S100A7A: variants seen among roughly 807,000 people sequenced by gnomAD.
The protein encoded by S100A7A is S100 calcium binding protein A7A.
A neutral mutation model predicts 4.0 loss-of-function variants in S100A7A; 5 were observed. That is an observed-to-expected ratio of 1.26 (90% confidence interval 0.66 to 2.66). The LOEUF is 2.66. Ranked by LOEUF, S100A7A falls within the 30% of genes most tolerant of loss-of-function variation. The pLI is 0.01. For synonymous variants in S100A7A, 52 were observed against 46.4 expected (o/e 1.12, Z -0.49); for missense variants, 159 against 125.1 (o/e 1.27, Z -1.29).
rs1571186425 is a variant in S100A7A at position 153,420,047 on chromosome 1, C to T, written c.*738C>T. ...GGTTTCTGGTGATGAATGAATATTC[C>T]AGATTTTGAGGAGCTCTAAGTGGTC... On this transcript the variant is annotated 3_prime_UTR_variant, in exon 3 of 3. Coordinates refer to ENST00000368729, the MANE Select transcript of S100A7A (RefSeq NM_176823.4). The T allele has an allele frequency of 1.3e-5, 2 of 152,284 alleles. No homozygotes were observed. Among genetic ancestry groups the T allele is most frequent in the East Asian group, 1.9e-4 (1 of 5,198 alleles). The allele number at this position is 152,284 out of a possible 1,614,324, so 9.4% of individuals were successfully genotyped here. A position where few individuals can be genotyped will look rare whatever the true frequency, so the allele number is the denominator to read the frequency against.
Position 153,416,738 on chromosome 1 carries a change from C to T in S100A7A, c.-18+175C>T, listed in dbSNP as rs377370611. Among the ~76,000 whole-genome samples the T allele has an allele frequency of 4.0e-3, 606 of 152,358 alleles. 4 individuals are homozygous for T. The highest frequency in any genetic ancestry group is 0.013 in the African/African-American group (552 of 41,582). ...TTGACCCCAAAAGCCCACGTCTGTA[C>T]AACCAGGTGGCTGAACCAGACCTGT... On this transcript the variant is annotated intron_variant, in intron 1 of 2. Transcript: ENST00000368729.
At position 153,418,311 on chromosome 1, in the gene S100A7A, T is replaced by C; in HGVS notation, c.141+88T>C. On this transcript the variant is annotated intron_variant, in intron 2 of 2. Coordinates refer to ENST00000368729, the MANE Select transcript of S100A7A (RefSeq NM_176823.4). ...CTATGTGGCCTTGGACAGGTCACCC[T>C]CATCCTCTGATTAAAAAGTTTCCCA... 2.0e-6 allele frequency: 3 copies of C among 1,530,604 alleles called. No individual in the cohort carries two copies. In the Admixed American group the frequency reaches 5.8e-5, roughly 30 times the overall value. The allele number at this position is 1,530,604 out of a possible 1,614,324, so 94.8% of individuals were successfully genotyped here.
chr1:153,421,902 G>A lies in S100A7A; in HGVS notation c.*2593G>A, dbSNP rs1571187780. On this transcript the variant is annotated 3_prime_UTR_variant, in exon 3 of 3. Transcript: ENST00000368729. ...AATACTTCTTCATCTTCTTGTCTAG[G>A]TTTTAGAAATCACCTTCTCAAGGGA... 2.0e-5 allele frequency: 3 copies of A among 152,338 alleles called. No individual in the cohort carries two copies. The South Asian group carries it at 6.2e-4, about 32-fold the overall frequency. 9.4% of individuals were successfully genotyped at this position (152,338 alleles called of 1,614,324 possible).
At chr1:153,418,339 T>G in intron 2 of S100A7A, 116 bp downstream of exon 2, 4 of 1,374,016 alleles carry the variant, frequency 2.9e-6, no homozygotes, top group Non-Finnish European at 3.0e-6. Flanking sequence ...GTTTCCCATT[T>G]GCAAATAGGG....
chr1:153,419,086 C>T, intron 2 of S100A7A, 59 bp from the exon 3 acceptor site: 3 of 1,581,544 alleles, frequency 1.9e-6, no homozygotes, highest in Non-Finnish European at 2.6e-6. Flanking sequence ...CTCTCCCCTC[C>T]CAGCCCAAAA....
chr1:153,419,402 C>T lies in S100A7A; in HGVS notation c.*93C>T. ...CCTTATTTCTTCTTCTCTTTGGTGACCTACATTGTCAAAACTACCAATTCC... is the reference window on the plus strand; with the variant it reads ...CCTTATTTCTTCTTCTCTTTGGTGATCTACATTGTCAAAACTACCAATTCC... On this transcript the variant is annotated 3_prime_UTR_variant, in exon 3 of 3. Transcript: ENST00000368729. The T allele has an allele frequency of 7.2e-7, 1 of 1,381,678 alleles. No homozygotes were observed. The allele number at this position is 1,381,678 out of a possible 1,614,324, so 85.6% of individuals were successfully genotyped here.
rs759796829 is a variant in S100A7A, at chr1:153,421,533, T to A, written c.*2224T>A. On this transcript the variant is annotated 3_prime_UTR_variant, in exon 3 of 3. Transcript: ENST00000368729. ...AAATTCTAGTCAATACTACTTTATG[T>A]AAACAGCAGTGTAAAATCCAAAAAC... 1.3e-5 allele frequency: 2 copies of A among 152,248 alleles called. No individual in the cohort carries two copies. The highest frequency in any genetic ancestry group is 4.8e-5 in the African/African-American group (2 of 41,464). The allele number at this position is 152,248 out of a possible 1,614,324, so 9.4% of individuals were successfully genotyped here.
chr1:153,418,213 T>G lies in S100A7A; in HGVS notation c.131T>G (p.Leu44Arg). Reference protein sequence around the residue: ...TMMKENFPNFLSACDKKGIHY... With the variant: ...TMMKENFPNFRSACDKKGIHY... ...ATGAAGGAGAACTTCCCCAATTTCCTCAGTGCCTGTGTGAGTTGGGGTCTA... is the reference window on the plus strand; with the variant it reads ...ATGAAGGAGAACTTCCCCAATTTCCGCAGTGCCTGTGTGAGTTGGGGTCTA... The change falls in exon 2 of 3, where the codon CTC (leucine) becomes CGC (arginine). Residue 44 changes from leucine (L) to arginine (R), a missense_variant. Physicochemically the swap from Leu to Arg is moderately radical, Grantham distance 102. Transcript: ENST00000368729. 6.2e-7 allele frequency: 1 copy of G among 1,613,978 alleles called. No homozygotes were observed. Among genetic ancestry groups the G allele is most frequent in the South Asian group, 1.1e-5 (1 of 91,074 alleles).
rs187120878 is a variant in S100A7A at position 153,421,660 on chromosome 1, A to C, written c.*2351A>C. ...GAAAGGATAAGGCAAATGACTGAACAGTTCCCTCAGGACTCACGTACTGAT... is the reference window on the plus strand; with the variant it reads ...GAAAGGATAAGGCAAATGACTGAACCGTTCCCTCAGGACTCACGTACTGAT... On this transcript the variant is annotated 3_prime_UTR_variant, in exon 3 of 3. Coordinates refer to ENST00000368729, the MANE Select transcript of S100A7A (RefSeq NM_176823.4). 1 of 152,222 alleles carries C rather than the reference A, an allele frequency of 6.6e-6. No individual in the cohort carries two copies. The allele number at this position is 152,222 out of a possible 1,614,324, so 9.4% of individuals were successfully genotyped here.
intron 2 of S100A7A, 83 bp from the exon 3 acceptor site, chr1:153,419,062 A>G: frequency 1.4e-6 from 2 of 1,450,688 alleles, no homozygotes; most frequent in Non-Finnish European, 1.9e-6. Context: ...ACTTGTCTGT[A>G]TCTCTGCCTC....
At chr1:153,418,994 A>T (rs1472341824) in intron 2 of S100A7A, 151 bp from the exon 3 acceptor site, 1 of 792,218 alleles carries the variant, frequency 1.3e-6, no homozygotes, top group African/African-American at 1.8e-5. Context: ...CCTCACCCCA[A>T]CTTCACCCAC....
At position 153,418,076 on chromosome 1, in the gene S100A7A, A is replaced by G. The variant is rs1313014186; in HGVS notation, c.-7A>G. 2 of 1,613,476 alleles carry G rather than the reference A, an allele frequency of 1.2e-6. No individual in the cohort carries two copies. The highest frequency in any genetic ancestry group is 1.7e-6 in the Non-Finnish European group (2 of 1,179,670). On this transcript the variant is annotated 5_prime_UTR_variant, in exon 2 of 3. Transcript: ENST00000368729. ...CTTTATTTCCTGAAGGCTTTTTGAA[A>G]GCAAAGATGAGCAACACTCAAGCTG...
intron 1 of S100A7A, 128 bp from the exon 2 acceptor site, chr1:153,417,938 A>AG (rs886832515): frequency 7.2e-6 from 9 of 1,251,624 alleles, no homozygotes; most frequent in African/African-American, 1.5e-5. Flanking sequence ...TCACATTTAA[A>AG]AAAATCAAGT....
chr1:153,421,107 C>A lies in S100A7A; in HGVS notation c.*1798C>A, dbSNP rs543735966. 1 of 152,176 alleles carries A rather than the reference C, an allele frequency of 6.6e-6. No individual in the cohort carries two copies. The highest frequency in any genetic ancestry group is 1.5e-5 in the Non-Finnish European group (1 of 68,068). The allele number at this position is 152,176 out of a possible 1,614,324, so 9.4% of individuals were successfully genotyped here. On this transcript the variant is annotated 3_prime_UTR_variant, in exon 3 of 3. Transcript: ENST00000368729. ...GTTATTCCCCGAATGCGCAACATACCCCCCATCAATATATCTCAGTATTTC... is the reference window on the plus strand; with the variant it reads ...GTTATTCCCCGAATGCGCAACATACACCCCATCAATATATCTCAGTATTTC...
In S100A7A at chr1:153,418,066, G is replaced by T; in HGVS notation, c.-17G>T. On this transcript the variant is annotated splice_region_variant and 5_prime_UTR_variant, in exon 2 of 3. Coordinates refer to ENST00000368729, the MANE Select transcript of S100A7A (RefSeq NM_176823.4). ...AAATGATTGTCTTTATTTCCTGAAGGCTTTTTGAAAGCAAAGATGAGCAAC... is the reference window on the plus strand; with the variant it reads ...AAATGATTGTCTTTATTTCCTGAAGTCTTTTTGAAAGCAAAGATGAGCAAC... The T allele has an allele frequency of 6.2e-7, 1 of 1,613,170 alleles. No homozygotes were observed. Among genetic ancestry groups the T allele is most frequent in the East Asian group, 2.2e-5 (1 of 44,818 alleles).
intron 2 of S100A7A, 56 bp downstream of exon 2, chr1:153,418,279 C>T (rs2101626480): frequency 6.2e-7 from 1 of 1,608,214 alleles, no homozygotes; most frequent in South Asian, 1.1e-5. Flanking sequence ...GCTGAGGATA[C>T]ATTTTGCTAT....
In S100A7A at chr1:153,418,067, C is replaced by T; in HGVS notation, c.-16C>T. 1.2e-6 allele frequency: 2 copies of T among 1,613,366 alleles called. No individual in the cohort carries two copies. The highest frequency in any genetic ancestry group is 2.2e-5 in the South Asian group (2 of 91,048). ...AATGATTGTCTTTATTTCCTGAAGG[C>T]TTTTTGAAAGCAAAGATGAGCAACA... On this transcript the variant is annotated splice_region_variant and 5_prime_UTR_variant, in exon 2 of 3. Transcript: ENST00000368729.
Position 153,420,556 on chromosome 1 carries a change from G to A in S100A7A, c.*1247G>A, listed in dbSNP as rs1662874057. ...TGTAAGATGGGCTATTTGTTCTTTG[G>A]AATGACTGCTCCACTCCACACTCAC... is the stretch of plus-strand genomic sequence containing the variant. On this transcript the variant is annotated 3_prime_UTR_variant, in exon 3 of 3. Transcript: ENST00000368729. The A allele has an allele frequency of 6.6e-6, 1 of 152,042 alleles. No homozygotes were observed. The highest frequency in any genetic ancestry group is 1.5e-5 in the Non-Finnish European group (1 of 68,032). The allele number at this position is 152,042 out of a possible 1,614,324, so 9.4% of individuals were successfully genotyped here. A position where few individuals can be genotyped will look rare whatever the true frequency, so the allele number is the denominator to read the frequency against.
In S100A7A at chr1:153,418,260, C is replaced by A. The variant is rs776664034; in HGVS notation, c.141+37C>A. 8 of 1,604,998 alleles carry A rather than the reference C, an allele frequency of 5.0e-6. No individual in the cohort carries two copies. In the East Asian group the frequency reaches 1.8e-4, roughly 36 times the overall value. ...TCTAGCTTCTCAATGTTGGTTGGAC[C>A]CTGGCATGGCTGAGGATACATTTTG... On this transcript the variant is annotated intron_variant, in intron 2 of 2. Transcript: ENST00000368729.
Sources: gnomAD v4.1 joint callset for allele counts (sites outside exome capture counted in the v4.1 genomes callset) on GRCh38, gnomAD v4.1.1 for gene constraint, MANE v1.5 for transcripts, NCBI Gene and HGNC (gene_info 2026-07-23, HGNC 2026-07-21) for gene names.